The following TMEM125 variants were observed in gnomAD, a reference collection of about 807,000 sequenced individuals.
TMEM125 encodes transmembrane protein 125.
TMEM125 carries 11 observed loss-of-function variants against 8.7 expected under a neutral mutation model. That is an observed-to-expected ratio of 1.26 (90% CI 0.79 to 2.08). The LOEUF (loss-of-function observed/expected upper bound fraction) is 2.08, where lower values mean the gene tolerates loss of function less well. TMEM125 is among the 30% of genes most tolerant of loss of function. The probability of loss-of-function intolerance (pLI) is 0.00; values close to 1 mark genes in which losing one functional copy is unlikely to be tolerated. For synonymous variants in TMEM125, 144 were observed against 146.1 expected, an observed-to-expected ratio of 0.99 and a Z score of 0.10; for missense variants, 270 against 302.4, an observed-to-expected ratio of 0.89 and a Z score of 0.79.
In TMEM125 at chr1:43,272,820, G is replaced by A. The variant is rs377064853; in HGVS notation, c.98G>A (p.Arg33His). ...VELWWSQQPR[R>H]SALCFVVAVG... is the part of the protein sequence containing the mutation. The stretch of plus-strand genomic sequence containing the variant: ...CTGTGGTGGTCCCAGCAGCCGCGGC[G>A]CTCGGCGCTCTGCTTCGTCGTGGCC... Residue 33 changes from arginine to histidine, a missense_variant, in exon 4 of 4, where the codon CGC (arginine) becomes CAC (histidine). Arg to His is a conservative substitution (Grantham distance 29). Coordinates refer to ENST00000439858, the MANE Select transcript of TMEM125 (RefSeq NM_144626.3). This position sits in a 1 kb window ranked among gnomAD's most constrained non-coding sequence, Gnocchi z 5.0. 108 of 1,569,580 alleles carry A rather than the reference G, an allele frequency of 6.9e-5. 4 individuals are homozygous for A. In the South Asian group the frequency reaches 9.4e-4, roughly 14 times the overall value.
At position 43,273,050 on chromosome 1, in the gene TMEM125, G is replaced by A. The variant is rs140400395; in HGVS notation, c.328G>A (p.Gly110Arg). 2.9e-4 allele frequency: 462 copies of A among 1,611,458 alleles called. 2 individuals carry two copies. The highest frequency in any genetic ancestry group is 2.8e-3 in the South Asian group (251 of 90,862). Reference protein sequence around the residue: ...AHHVALLRSGGGADALVVLLS... With the variant: ...AHHVALLRSGRGADALVVLLS... ...CCATGTGGCCCTGCTGCGCAGTGGT[G>A]GAGGGGCCGACGCCCTCGTGGTGCT... The change falls in exon 4 of 4, where the codon GGA (glycine) becomes AGA (arginine). Residue 110 changes from glycine (G) to arginine (R), a missense_variant. Coordinates refer to ENST00000439858, the MANE Select transcript of TMEM125 (RefSeq NM_144626.3).
rs577969777 is a variant in TMEM125, at chr1:43,272,472, G to A, written c.-145-106G>A. 2.4e-5 allele frequency: 10 copies of A among 410,722 alleles called. No individual in the cohort carries two copies. The highest frequency in any genetic ancestry group is 7.9e-5 in the South Asian group (1 of 12,620). The allele number at this position is 410,722 out of a possible 1,614,324, so 25.4% of individuals were successfully genotyped here. On this transcript the variant is annotated intron_variant, in intron 3 of 3. Coordinates refer to ENST00000439858, the MANE Select transcript of TMEM125 (RefSeq NM_144626.3). The surrounding 1 kb of genome is among the most constrained non-coding windows in gnomAD (Gnocchi z 5.0). ...GAGGGGGCTATCCCAGGGGAGATTC[G>A]GGGGAACACTGGGGTGGATTCTCAG...
In TMEM125 at chr1:43,273,182, C is replaced by G; in HGVS notation, c.460C>G (p.Leu154Val). Residue 154 changes from leucine (L) to valine (V), a missense_variant, in exon 4 of 4, where the codon CTG becomes GTG. Physicochemically the swap from Leu to Val is conservative, Grantham distance 32 (BLOSUM62 1). Around this residue, in one of 3 missense-constraint regions of TMEM125, gnomAD observed 215 missense variants for 216.5 expected, o/e 0.99. Transcript: ENST00000439858. ...LAAMLSVGIA[L>V]AALGSLLLLG... ...CGCCATGCTGTCTGTGGGCATTGCT[C>G]TGGCTGCCTTGGGCTCGCTTTTGCT... 1.9e-6 allele frequency: 3 copies of G among 1,614,162 alleles called. No individual in the cohort carries two copies. Among genetic ancestry groups the G allele is most frequent in the Non-Finnish European group, 2.5e-6 (3 of 1,180,022 alleles).
At position 43,272,314 on chromosome 1, in the gene TMEM125, C is replaced by T. The variant is rs909535000; in HGVS notation, c.-171C>T. ...CCTCAGCCAGCCGGGATGGGACCAG[C>T]GACTGAGAGAGCCAGAGGCAGAGAG... On this transcript the variant is annotated 5_prime_UTR_variant, in exon 3 of 4. Coordinates refer to ENST00000439858, the MANE Select transcript of TMEM125 (RefSeq NM_144626.3). This position sits in a 1 kb window ranked among gnomAD's most constrained non-coding sequence, Gnocchi z 5.0. The T allele has an allele frequency of 2.6e-4, 42 of 160,878 alleles. No individual in the cohort carries two copies. Among genetic ancestry groups the T allele is most frequent in the Non-Finnish European group, 3.8e-4 (28 of 74,354 alleles). The allele number at this position is 160,878 out of a possible 1,614,324, so 10.0% of individuals were successfully genotyped here.
Position 43,273,164 on chromosome 1 carries a change from C to G in TMEM125, c.442C>G (p.Leu148Val), listed in dbSNP as rs767974891. The change falls in exon 4 of 4, where the codon CTG becomes GTG. Residue 148 changes from leucine to valine, a missense_variant. Physicochemically the swap from Leu to Val is conservative, Grantham distance 32. This residue lies in a region of TMEM125 where 215 missense variants were observed against 216.5 expected (regional missense o/e 0.99). Transcript: ENST00000439858. ...PAPARPLAAM[L>V]SVGIALAALG... is the part of the protein sequence containing the mutation. ...CCCTGCTCGGCCGCTGGCCGCCATGCTGTCTGTGGGCATTGCTCTGGCTGC... is the reference window on the plus strand; with the variant it reads ...CCCTGCTCGGCCGCTGGCCGCCATGGTGTCTGTGGGCATTGCTCTGGCTGC... The G allele has an allele frequency of 6.2e-7, 1 of 1,613,940 alleles. No individual in the cohort carries two copies. The highest frequency in any genetic ancestry group is 8.5e-7 in the Non-Finnish European group (1 of 1,179,940).
In TMEM125 at chr1:43,272,991, C is replaced by A; in HGVS notation, c.269C>A (p.Ala90Asp). ...CTGGTGAAACAGCTGATGAGCTCGG[C>A]TGTGCAGGACATGAACTGCATCCGC... ...LVLVKQLMSSAVQDMNCIRQA... is the reference protein window; with the variant it reads ...LVLVKQLMSSDVQDMNCIRQA... Residue 90 changes from alanine (A) to aspartate (D), a missense_variant, in exon 4 of 4, where the codon GCT (alanine) becomes GAT (aspartate). By Grantham distance (126) the Ala-to-Asp change is moderately radical. Around this residue, in one of 3 missense-constraint regions of TMEM125, gnomAD observed 215 missense variants for 216.5 expected, o/e 0.99. Transcript: ENST00000439858. This position sits in a 1 kb window ranked among gnomAD's most constrained non-coding sequence, Gnocchi z 5.0. 6.2e-7 allele frequency: 1 copy of A among 1,612,506 alleles called. No homozygotes were observed. Among genetic ancestry groups the A allele is most frequent in the Non-Finnish European group, 8.5e-7 (1 of 1,178,838 alleles).
Position 43,272,400 on chromosome 1 carries a change from A to C in TMEM125, c.-146+61A>C. On this transcript the variant is annotated intron_variant, in intron 3 of 3. Coordinates refer to ENST00000439858, the MANE Select transcript of TMEM125 (RefSeq NM_144626.3). This position sits in a 1 kb window ranked among gnomAD's most constrained non-coding sequence, Gnocchi z 5.0. Reference sequence around the variant, plus strand: ...TTAGGGGGTACCCTATGGGCAGGGTACTCCCCTGGGGTCATTGGAGAGCCA... The same window carrying C: ...TTAGGGGGTACCCTATGGGCAGGGTCCTCCCCTGGGGTCATTGGAGAGCCA... The C allele has an allele frequency of 4.5e-6, 1 of 222,286 alleles. No homozygotes were observed. The highest frequency in any genetic ancestry group is 8.8e-6 in the Non-Finnish European group (1 of 113,988). 13.8% of individuals were successfully genotyped at this position (222,286 alleles called of 1,614,324 possible).
Position 43,273,420 on chromosome 1 carries a change from G to A in TMEM125, c.*38G>A, listed in dbSNP as rs763270627. 3 of 1,582,684 alleles carry A rather than the reference G, an allele frequency of 1.9e-6. No individual in the cohort carries two copies. Among genetic ancestry groups the A allele is most frequent in the Non-Finnish European group, 2.6e-6 (3 of 1,159,534 alleles). On this transcript the variant is annotated 3_prime_UTR_variant, in exon 4 of 4. Transcript: ENST00000439858. The stretch of plus-strand genomic sequence containing the variant: ...CGTCCTTCTTCTCACAGCGGCCTCA[G>A]CGTCCCCAGAGCCGAGCCAGGGTGT...
At position 43,273,077 on chromosome 1, in the gene TMEM125, C is replaced by T; in HGVS notation, c.355C>T (p.Leu119Phe). 6.2e-7 allele frequency: 1 copy of T among 1,610,058 alleles called. No individual in the cohort carries two copies. The change falls in exon 4 of 4, where the codon CTC becomes TTC. Residue 119 changes from leucine (L) to phenylalanine (F), a missense_variant. This residue lies in a region of TMEM125 where 215 missense variants were observed against 216.5 expected (regional missense o/e 0.99). Transcript: ENST00000439858. ...AGGGGCCGACGCCCTCGTGGTGCTG[C>T]TCAGTGGCCTCGTGCTGCTGGTCAC... ...GGGADALVVL[L>F]SGLVLLVTGL...
chr1:43,273,503 C>T lies in TMEM125; in HGVS notation c.*121C>T, dbSNP rs1392595168. ...CGTGTATGCCCCCAGGCTGGGTCAG[C>T]TCTTCTGTGGATTGCATGGCGTGTG... is the stretch of plus-strand genomic sequence containing the variant. On this transcript the variant is annotated 3_prime_UTR_variant, in exon 4 of 4. Coordinates refer to ENST00000439858, the MANE Select transcript of TMEM125 (RefSeq NM_144626.3). 2 of 1,288,824 alleles carry T rather than the reference C, an allele frequency of 1.6e-6. No individual in the cohort carries two copies. The highest frequency in any genetic ancestry group is 3.0e-5 in the African/African-American group (2 of 67,172). The allele number at this position is 1,288,824 out of a possible 1,614,324, so 79.8% of individuals were successfully genotyped here.
rs61736069 is a variant in TMEM125 at position 43,273,067 on chromosome 1, C to G, written c.345C>G (p.Leu115=). 6.2e-7 allele frequency: 1 copy of G among 1,610,336 alleles called. No homozygotes were observed. Among genetic ancestry groups the G allele is most frequent in the Admixed American group, 1.7e-5 (1 of 59,636 alleles). The change falls in exon 4 of 4, where the codon CTC becomes CTG. Residue 115 remains leucine, a synonymous_variant. Transcript: ENST00000439858. ...GCAGTGGTGGAGGGGCCGACGCCCT[C>G]GTGGTGCTGCTCAGTGGCCTCGTGC... ...LLRSGGGADA[L]VVLLSGLVLL...
chr1:43,273,470 CAT>C lies in TMEM125; in HGVS notation c.*89_*90del. The C allele has an allele frequency of 2.0e-6, 3 of 1,484,806 alleles. No individual in the cohort carries two copies. The highest frequency in any genetic ancestry group is 2.7e-6 in the Non-Finnish European group (3 of 1,100,246). 92.0% of individuals were successfully genotyped at this position (1,484,806 alleles called of 1,614,324 possible). ...TGAGTGCATGTGAACGTTGAGTACACATGAGTGCGTGTATGCCCCCAGGCTGG... is the reference window on the plus strand; with the variant it reads ...TGAGTGCATGTGAACGTTGAGTACACGAGTGCGTGTATGCCCCCAGGCTGG... On this transcript the variant is annotated 3_prime_UTR_variant, in exon 4 of 4. Coordinates refer to ENST00000439858, the MANE Select transcript of TMEM125 (RefSeq NM_144626.3).
chr1:43,272,684 G>A lies in TMEM125; in HGVS notation c.-39G>A, dbSNP rs1353010093. On this transcript the variant is annotated 5_prime_UTR_variant, in exon 4 of 4. Coordinates refer to ENST00000439858, the MANE Select transcript of TMEM125 (RefSeq NM_144626.3). This position sits in a 1 kb window ranked among gnomAD's most constrained non-coding sequence, Gnocchi z 5.0. ...CTGTGATCTGAACCCTCTGACCCCT[G>A]ACATTGACCTCCTACCCTGACCCCT... 3.4e-6 allele frequency: 5 copies of A among 1,458,482 alleles called. No homozygotes were observed. Among genetic ancestry groups the A allele is most frequent in the Non-Finnish European group, 4.5e-6 (5 of 1,109,336 alleles). The allele number at this position is 1,458,482 out of a possible 1,614,324, so 90.3% of individuals were successfully genotyped here.
In TMEM125 at chr1:43,273,046, T is replaced by C; in HGVS notation, c.324T>C (p.Ser108=). The C allele has an allele frequency of 6.2e-7, 1 of 1,611,668 alleles. No individual in the cohort carries two copies. Among genetic ancestry groups the C allele is most frequent in the South Asian group, 1.1e-5 (1 of 90,898 alleles). ...CCCACCATGTGGCCCTGCTGCGCAG[T>C]GGTGGAGGGGCCGACGCCCTCGTGG... ...RQAHHVALLR[S]GGGADALVVL... is the part of the protein sequence containing the mutation. Residue 108 remains serine (S), a synonymous_variant, in exon 4 of 4, where the codon AGT becomes AGC. Transcript: ENST00000439858.
chr1:43,273,589 G>A lies in TMEM125; in HGVS notation c.*207G>A, dbSNP rs1040190056. The A allele has an allele frequency of 3.0e-6, 2 of 667,444 alleles. No homozygotes were observed. Among genetic ancestry groups the A allele is most frequent in the African/African-American group, 1.8e-5 (1 of 54,864 alleles). 41.3% of individuals were successfully genotyped at this position (667,444 alleles called of 1,614,324 possible). A position where few individuals can be genotyped will look rare whatever the true frequency, so the allele number is the denominator to read the frequency against. ...TGGGAAGGTTAATGTGTGCCTCCTT[G>A]GAACTGGGTGTTGGTGTCCATGGAA... On this transcript the variant is annotated 3_prime_UTR_variant, in exon 4 of 4. Coordinates refer to ENST00000439858, the MANE Select transcript of TMEM125 (RefSeq NM_144626.3).
Position 43,273,597 on chromosome 1 carries a change from G to A in TMEM125, c.*215G>A. The A allele has an allele frequency of 1.5e-6, 1 of 646,478 alleles. No homozygotes were observed. The highest frequency in any genetic ancestry group is 2.7e-6 in the Non-Finnish European group (1 of 372,794). 40.0% of individuals were successfully genotyped at this position (646,478 alleles called of 1,614,324 possible). ...TTAATGTGTGCCTCCTTGGAACTGG[G>A]TGTTGGTGTCCATGGAACTTCCTCT... On this transcript the variant is annotated 3_prime_UTR_variant, in exon 4 of 4. Transcript: ENST00000439858.
Position 43,272,584 on chromosome 1 carries a change from G to A in TMEM125, c.-139G>A. On this transcript the variant is annotated 5_prime_UTR_variant, in exon 4 of 4. It adds an upstream start codon to the 5' untranslated region. Transcript: ENST00000439858. This position sits in a 1 kb window ranked among gnomAD's most constrained non-coding sequence, Gnocchi z 5.0. The stretch of plus-strand genomic sequence containing the variant: ...TGTGATCCTTCCCCTACAGGTGAGG[G>A]TGACCATATCCTGGACTGTGAGAGG... 4.3e-6 allele frequency: 3 copies of A among 704,858 alleles called. No homozygotes were observed. Among genetic ancestry groups the A allele is most frequent in the East Asian group, 3.1e-5 (1 of 32,508 alleles). The allele number at this position is 704,858 out of a possible 1,614,324, so 43.7% of individuals were successfully genotyped here.
In TMEM125 at chr1:43,273,287, G is replaced by A. The variant is rs1304904300; in HGVS notation, c.565G>A (p.Gly189Ser). 1.2e-6 allele frequency: 2 copies of A among 1,613,924 alleles called. No individual in the cohort carries two copies. The highest frequency in any genetic ancestry group is 1.1e-5 in the South Asian group (1 of 91,046). The change falls in exon 4 of 4, where the codon GGC becomes AGC. Residue 189 changes from glycine (G) to serine (S), a missense_variant. Gly to Ser is a moderately conservative substitution (Grantham distance 56). Around this residue, in one of 3 missense-constraint regions of TMEM125, gnomAD observed 52 missense variants for 69.4 expected, o/e 0.75. Coordinates refer to ENST00000439858, the MANE Select transcript of TMEM125 (RefSeq NM_144626.3). ...TATGGCCACTCCCTCCACCCACAGT[G>A]GCCATGGCGGCCATGGCAGCATCTT... The part of the protein sequence containing the change: ...ICMATPSTHS[G>S]HGGHGSIFSI...
Position 43,271,597 on chromosome 1 carries a change from T to C in TMEM125, c.-301-587T>C, listed in dbSNP as rs76434257. ...CCATGTTCCTACCGGTGGGAAGGACTGGAGCTGGGGTTCAAATCCAGAGCC... is the reference window on the plus strand; with the variant it reads ...CCATGTTCCTACCGGTGGGAAGGACCGGAGCTGGGGTTCAAATCCAGAGCC... On this transcript the variant is annotated intron_variant, in intron 2 of 3. Transcript: ENST00000439858. This position sits in a 1 kb window ranked among gnomAD's most constrained non-coding sequence, Gnocchi z 4.9. 0.011 allele frequency among the ~76,000 whole-genome samples: 1,621 copies of C among 152,304 alleles called. 67 individuals carry two copies. The highest frequency in any genetic ancestry group is 0.078 in the Admixed American group (1,188 of 15,294).
Sources: gnomAD v4.1 joint callset for allele counts (sites outside exome capture counted in the v4.1 genomes callset) on GRCh38, gnomAD v4.1.1 for gene constraint, gnomAD v4.1.1 regional missense constraint, Gnocchi (gnomAD v3.1) non-coding constraint, MANE v1.5 for transcripts, NCBI Gene and HGNC (gene_info 2026-07-23, HGNC 2026-07-21) for gene names.